DOCK8: variants seen among roughly 807,000 people sequenced by gnomAD.
The protein encoded by DOCK8 is dedicator of cytokinesis protein 8.
DOCK8 carries 141 observed loss-of-function variants against 245.6 expected under a neutral mutation model. That is an observed-to-expected ratio of 0.57 (90% CI 0.50 to 0.66). DOCK8 has a LOEUF of 0.66. Ranked by LOEUF, DOCK8 falls within the 30% of genes least tolerant of loss-of-function variation. The pLI is 0.00. For missense variants in DOCK8, 2,965 were observed against 2,603.4 expected (o/e 1.14, Z -3.02); for synonymous variants, 1,168 against 970.2 (o/e 1.20, Z -3.79).
intron 6 of DOCK8, among the ~76,000 whole-genome samples, chr9:314,080 T>C (rs1397826862): frequency 6.6e-6 from 1 of 152,224 alleles, no homozygotes; most frequent in Non-Finnish European, 1.5e-5. Context: ...CCTAACCCGC[T>C]AACTACAAAG....
intron 11 of DOCK8, among the ~76,000 whole-genome samples, chr9:334,717 T>G (rs2051226337): frequency 6.6e-6 from 1 of 151,964 alleles, no homozygotes; most frequent in Non-Finnish European, 1.5e-5. Flanking sequence ...TGTAGTGTGT[T>G]AAGCAGAGAC....
intron 2 of DOCK8, among the ~76,000 whole-genome samples, chr9:277,480 A>AGG (rs2048402221): frequency 8.1e-6 from 1 of 122,890 alleles, no homozygotes; most frequent in African/African-American, 4.9e-5. Context: ...AGAAGAGAAG[A>AGG]GAAGAGAAGA....
At chr9:409,188 C>T (rs1488776536) in intron 28 of DOCK8, among the ~76,000 whole-genome samples, 2 of 152,118 alleles carry the variant, frequency 1.3e-5, no homozygotes, top group African/African-American at 4.8e-5. Context: ...CAGAAGGACG[C>T]ATCTCAGTAC....
rs547455292 is a variant in DOCK8 at position 382,661 on chromosome 9, A to G, written c.2754A>G (p.Glu918=). 38 of 1,614,210 alleles carry G rather than the reference A, an allele frequency of 2.4e-5. No homozygotes were observed. In the East Asian group the frequency reaches 6.2e-4, roughly 26 times the overall value. Residue 918 remains glutamate (E), a synonymous_variant, in exon 22 of 48, where the codon GAA becomes GAG. Transcript: ENST00000432829. ...LAGTHSAADE[E]VKNIMSSKIA... is the part of the protein sequence containing the mutation. Reference sequence around the variant, plus strand: ...GGACACACTCCGCAGCAGACGAGGAAGTGAAGAACATCATGTCTTCAAAGG... The same window carrying G: ...GGACACACTCCGCAGCAGACGAGGAGGTGAAGAACATCATGTCTTCAAAGG...
intron 36 of DOCK8, among the ~76,000 whole-genome samples, chr9:430,384 AATAAT>A (rs2056664000): frequency 6.6e-6 from 1 of 151,954 alleles, no homozygotes; most frequent in Admixed American, 6.6e-5. Context: ...AAAAAATAAT[AATAAT>A]AAAATAAAAT....
chr9:262,740 C>A (rs189687186), intron 1 of DOCK8, among the ~76,000 whole-genome samples: 11 of 151,492 alleles, frequency 7.3e-5, no homozygotes, highest in Admixed American at 6.6e-5. Context: ...TGGGTCTATA[C>A]GTATGTCAAA....
chr9:279,228 T>G (rs555864949), intron 2 of DOCK8, among the ~76,000 whole-genome samples: 103 of 152,264 alleles, frequency 6.8e-4, no homozygotes, highest in Middle Eastern at 3.4e-3. Context: ...GAAGAGCAGA[T>G]TGCCAGGAAA....
chr9:440,652 A>T (rs1420925796), intron 40 of DOCK8, among the ~76,000 whole-genome samples: 1 of 152,186 alleles, frequency 6.6e-6, no homozygotes, highest in Non-Finnish European at 1.5e-5. Flanking sequence ...CTCTGATGAA[A>T]TTTAAATATA....
Position 414,765 on chromosome 9 carries a change from C to T in DOCK8, c.3531-17C>T, listed in dbSNP as rs775488693. ...TCCTTTCACCATAACCTCTTGATTCCTGTGTTGTGCCAACAGAATCAGCAA... is the reference window on the plus strand; with the variant it reads ...TCCTTTCACCATAACCTCTTGATTCTTGTGTTGTGCCAACAGAATCAGCAA... On this transcript the variant is annotated splice_polypyrimidine_tract_variant and intron_variant, in intron 28 of 47. Transcript: ENST00000432829. The T allele has an allele frequency of 1.9e-6, 3 of 1,614,018 alleles. No individual in the cohort carries two copies. Among genetic ancestry groups the T allele is most frequent in the Non-Finnish European group, 2.5e-6 (3 of 1,179,988 alleles).
At chr9:435,978 A>C (rs907416653) in intron 39 of DOCK8, among the ~76,000 whole-genome samples, 1 of 152,332 alleles carries the variant, frequency 6.6e-6, no homozygotes, top group South Asian at 2.1e-4. Context: ...TTGAATTTAC[A>C]TGGCTGATTT....
At chr9:234,602 A>G (rs1438610127) in intron 1 of DOCK8, among the ~76,000 whole-genome samples, 1 of 152,062 alleles carries the variant, frequency 6.6e-6, no homozygotes, top group Non-Finnish European at 1.5e-5. Context: ...GTTGCTTTTT[A>G]TTCTTTTTTC....
rs988573120 is a variant in DOCK8, at chr9:251,551, G to A, written c.54-20076G>A. Among the ~76,000 whole-genome samples, 5 of 149,906 alleles carry A rather than the reference G, an allele frequency of 3.3e-5. No individual in the cohort carries two copies. In the East Asian group the frequency reaches 9.6e-4, roughly 29 times the overall value. ...GCCCCCGGGAAGGAAAATACCAGAAGTTTCACTCCGATAGCAGCTTTTTCT... is the reference window on the plus strand; with the variant it reads ...GCCCCCGGGAAGGAAAATACCAGAAATTTCACTCCGATAGCAGCTTTTTCT... On this transcript the variant is annotated intron_variant, in intron 1 of 47. Transcript: ENST00000432829.
intron 37 of DOCK8, among the ~76,000 whole-genome samples, chr9:433,369 C>A (rs1346355401): frequency 6.6e-6 from 1 of 152,112 alleles, no homozygotes; most frequent in Non-Finnish European, 1.5e-5. Flanking sequence ...ATAGTCTCTC[C>A]CTGTTTTTGT....
chr9:416,676 A>T (rs954575337), intron 29 of DOCK8, among the ~76,000 whole-genome samples: 1 of 152,196 alleles, frequency 6.6e-6, no homozygotes, highest in Non-Finnish European at 1.5e-5. Context: ...TTCCAGCCCC[A>T]TTTATTAATA....
intron 7 of DOCK8, among the ~76,000 whole-genome samples, chr9:319,988 T>A (rs2050515271): frequency 6.6e-6 from 1 of 152,214 alleles, no homozygotes; most frequent in South Asian, 2.1e-4. Context: ...ACAATCTCCC[T>A]CAAGAGATTC....
At chr9:281,083 G>A (rs747465604) in intron 2 of DOCK8, among the ~76,000 whole-genome samples, 13 of 152,068 alleles carry the variant, frequency 8.5e-5, no homozygotes, top group Admixed American at 2.0e-4. Context: ...GTGGAACCCC[G>A]TCTCCACTAA....
At chr9:300,491 C>G (rs188481683) in intron 4 of DOCK8, among the ~76,000 whole-genome samples, 2 of 150,270 alleles carry the variant, frequency 1.3e-5, no homozygotes, top group African/African-American at 2.4e-5. Context: ...AACAAATAAC[C>G]AAAATCAGAG....
chr9:378,161 T>C (rs971777428), intron 20 of DOCK8, among the ~76,000 whole-genome samples: 2 of 152,136 alleles, frequency 1.3e-5, no homozygotes, highest in African/African-American at 4.8e-5. Context: ...GGGACACAGC[T>C]AAATTTTGCA....
At chr9:370,400 T>A (rs553654386) in intron 16 of DOCK8, 100 bp downstream of exon 16, 4 of 1,039,558 alleles carry the variant, frequency 3.8e-6, no homozygotes, top group Admixed American at 3.6e-5. Flanking sequence ...ATTTTTATAA[T>A]TCAGGGACTG....
Sources: gnomAD v4.1 joint callset for allele counts (sites outside exome capture counted in the v4.1 genomes callset) on GRCh38, gnomAD v4.1.1 for gene constraint, MANE v1.5 for transcripts, NCBI Gene and HGNC (gene_info 2026-07-23, HGNC 2026-07-21) for gene names.